Variants in ZZZ3 observed in about 807,000 individuals in gnomAD.
The protein encoded by ZZZ3 is ZZ-type zinc finger-containing protein 3.
A neutral mutation model predicts 95.2 loss-of-function variants in ZZZ3; 22 were observed. That is an observed-to-expected ratio of 0.23 (90% CI 0.17 to 0.33). ZZZ3 has a LOEUF of 0.33. Ranked by LOEUF, ZZZ3 falls within the 10% of genes least tolerant of loss-of-function variation. The pLI, the probability that ZZZ3 is intolerant of heterozygous loss-of-function variation, is 1.00. For synonymous variants in ZZZ3, 335 were observed against 358.9 expected (o/e 0.93, Z 0.75); for missense variants, 885 against 1,066.5 (o/e 0.83, Z 2.37).
chr1:77,614,966 A>G (rs985210960), intron 5 of ZZZ3: 3 of 152,250 alleles, frequency 2.0e-5, no homozygotes, highest in Non-Finnish European at 4.4e-5. Context: ...ATAAAAATTC[A>G]TTCTTCAGAG....
chr1:77,607,962 G>C (rs1289215616), intron 5 of ZZZ3, among the ~76,000 whole-genome samples: 1 of 149,842 alleles, frequency 6.7e-6, no homozygotes, highest in Non-Finnish European at 1.5e-5. Flanking sequence ...AAAATACACA[G>C]AGGAAACAAC....
chr1:77,614,638 C>G (rs377715921), intron 5 of ZZZ3, among the ~76,000 whole-genome samples: 1 of 151,936 alleles, frequency 6.6e-6, no homozygotes, highest in African/African-American at 2.4e-5. Context: ...CTATATATCA[C>G]TTTTTTAAGC....
At chr1:77,652,267 T>C (rs559567284) in intron 1 of ZZZ3, among the ~76,000 whole-genome samples, 5 of 152,060 alleles carry the variant, frequency 3.3e-5, no homozygotes, top group Non-Finnish European at 7.4e-5. Context: ...AAGATAAACC[T>C]AATCTAAAAA....
At chr1:77,665,185 C>T (rs1671142788) in intron 1 of ZZZ3, among the ~76,000 whole-genome samples, 1 of 152,160 alleles carries the variant, frequency 6.6e-6, no homozygotes, top group Non-Finnish European at 1.5e-5. Flanking sequence ...AGGTCTTAAA[C>T]TTCAATTCAG....
chr1:77,569,343 A>T (rs1042750650), intron 12 of ZZZ3, among the ~76,000 whole-genome samples: 4 of 152,200 alleles, frequency 2.6e-5, no homozygotes, highest in East Asian at 3.9e-4. Flanking sequence ...TCTCAAAATT[A>T]AAAAATAAAA....
chr1:77,590,209 A>G (rs931111741), intron 5 of ZZZ3, among the ~76,000 whole-genome samples: 2 of 152,198 alleles, frequency 1.3e-5, no homozygotes, highest in Non-Finnish European at 2.9e-5. Flanking sequence ...CCCTGTCTCT[A>G]CTAAAAATAC....
chr1:77,570,659 T>C (rs1413865514), intron 12 of ZZZ3, among the ~76,000 whole-genome samples: 2 of 150,214 alleles, frequency 1.3e-5, no homozygotes, highest in Non-Finnish European at 3.0e-5. Context: ...TTTATTTTTA[T>C]TATTTTATTA....
chr1:77,633,515 ATAAC>A (rs773979249), intron 4 of ZZZ3, 110 bp from the exon 5 acceptor site: 22 of 598,464 alleles, frequency 3.7e-5, no homozygotes, highest in Non-Finnish European at 5.5e-5. Context: ...ATTACAGTCT[ATAAC>A]TATCTATATA....
chr1:77,614,730 T>C (rs1376038103), intron 5 of ZZZ3: 4 of 152,188 alleles, frequency 2.6e-5, no homozygotes, highest in African/African-American at 7.2e-5. Flanking sequence ...AAATTTCTTG[T>C]TCTAAAGGTT....
intron 5 of ZZZ3, among the ~76,000 whole-genome samples, chr1:77,626,013 A>G (rs1019242051): frequency 6.6e-6 from 1 of 152,116 alleles, no homozygotes; most frequent in African/African-American, 2.4e-5. Flanking sequence ...AAAAGAAAAA[A>G]AAGAAAAGGT....
intron 5 of ZZZ3, among the ~76,000 whole-genome samples, chr1:77,617,909 C>T (rs561131800): frequency 5.1e-4 from 77 of 152,248 alleles, no homozygotes; most frequent in Non-Finnish European, 8.2e-4. Flanking sequence ...TGCACCACTG[C>T]ACTCCAGCCT....
intron 1 of ZZZ3, among the ~76,000 whole-genome samples, chr1:77,658,191 A>C (rs999558435): frequency 4.0e-5 from 6 of 149,534 alleles, no homozygotes; most frequent in Non-Finnish European, 8.9e-5. Flanking sequence ...AAAAAAAAAA[A>C]AAAAAAAAAA....
intron 1 of ZZZ3, among the ~76,000 whole-genome samples, chr1:77,670,435 T>C (rs978276755): frequency 1.3e-5 from 2 of 151,940 alleles, no homozygotes; most frequent in Non-Finnish European, 2.9e-5. Flanking sequence ...TAATTTTTTG[T>C]TTTAGTAGAG....
At chr1:77,610,987 A>G (rs1435540208) in intron 5 of ZZZ3, among the ~76,000 whole-genome samples, 4 of 152,042 alleles carry the variant, frequency 2.6e-5, no homozygotes, top group Non-Finnish European at 5.9e-5. Flanking sequence ...GTCAAGAGAA[A>G]GAAATAAATA....
chr1:77,679,148 G>C (rs188750774), intron 1 of ZZZ3, among the ~76,000 whole-genome samples: 30 of 152,294 alleles, frequency 2.0e-4, no homozygotes, highest in Admixed American at 4.6e-4. Context: ...GTGGTTTTCA[G>C]AGTACAATTA....
chr1:77,564,470 A>G lies in ZZZ3; in HGVS notation c.*1170T>C, dbSNP rs1660656519. On this transcript the variant is annotated 3_prime_UTR_variant, in exon 15 of 15. Transcript: ENST00000370801. ...AACACTGGTAAAAAAAAAAATCCAA[A>G]ATCTAACCAAAAGGAAGTCACAACA... The G allele has an allele frequency of 6.6e-6, 1 of 152,584 alleles. No individual in the cohort carries two copies. Among genetic ancestry groups the G allele is most frequent in the South Asian group, 2.1e-4 (1 of 4,830 alleles). The allele number at this position is 152,584 out of a possible 1,614,324, so 9.5% of individuals were successfully genotyped here.
At chr1:77,609,131 C>T (rs1665528235) in intron 5 of ZZZ3, among the ~76,000 whole-genome samples, 1 of 152,040 alleles carries the variant, frequency 6.6e-6, no homozygotes, top group Non-Finnish European at 1.5e-5. Flanking sequence ...GGATCTGCTG[C>T]CTACAAGAAA....
intron 5 of ZZZ3, among the ~76,000 whole-genome samples, chr1:77,605,240 G>C (rs1227395331): frequency 6.6e-6 from 1 of 152,072 alleles, no homozygotes; most frequent in Admixed American, 6.6e-5. Flanking sequence ...TGAGAGAGAG[G>C]GCACTCATCA....
At chr1:77,587,299 G>C (rs924573784) in intron 5 of ZZZ3, among the ~76,000 whole-genome samples, 18 of 115,248 alleles carry the variant, frequency 1.6e-4, no homozygotes, top group Non-Finnish European at 2.3e-4. Context: ...GTCTCGCTCT[G>C]TTGCCCAGAC....
Sources: gnomAD v4.1 joint callset for allele counts (sites outside exome capture counted in the v4.1 genomes callset) on GRCh38, gnomAD v4.1.1 for gene constraint, MANE v1.5 for transcripts, NCBI Gene and HGNC (gene_info 2026-07-23, HGNC 2026-07-21) for gene names.